CNTN5: variants seen among roughly 807,000 people sequenced by gnomAD.
The protein encoded by CNTN5 is contactin 5.
In CNTN5, 77 loss-of-function variants were observed where a neutral mutation model predicts 129.1. The ratio of observed to expected loss-of-function variants is 0.60; its 90% CI spans 0.50 to 0.72. The LOEUF is 0.72. Ranked by LOEUF, CNTN5 falls within the 30% of genes least tolerant of loss-of-function variation. The probability of loss-of-function intolerance (pLI) is 0.00; values close to 1 mark genes in which losing one functional copy is unlikely to be tolerated. For missense variants in CNTN5, 1,478 were observed against 1,328.8 expected, an observed-to-expected ratio of 1.11 and a Z score of -1.75; for synonymous variants, 509 against 465.6, an observed-to-expected ratio of 1.09 and a Z score of -1.20.
intron 13 of CNTN5, among the ~76,000 whole-genome samples, chr11:100,149,930 C>G (rs1336859124): frequency 6.7e-6 from 1 of 149,448 alleles, no homozygotes; most frequent in African/African-American, 2.5e-5. Flanking sequence ...AAAAAAAAAT[C>G]TCATGGGGTA....
At chr11:99,515,709 A>G (rs1947021428) in intron 2 of CNTN5, among the ~76,000 whole-genome samples, 1 of 152,026 alleles carries the variant, frequency 6.6e-6, no homozygotes, top group African/African-American at 2.4e-5. Flanking sequence ...TCAGCATTAA[A>G]CCATAAATGC....
At chr11:100,099,251 C>T (rs990786798) in intron 13 of CNTN5, among the ~76,000 whole-genome samples, 2 of 152,086 alleles carry the variant, frequency 1.3e-5, no homozygotes, top group Non-Finnish European at 2.9e-5. Context: ...AACCAACTGT[C>T]CTAGTTTGCC....
At chr11:99,273,148 G>A (rs1226812754) in intron 1 of CNTN5, among the ~76,000 whole-genome samples, 1 of 151,724 alleles carries the variant, frequency 6.6e-6, no homozygotes, top group East Asian at 1.9e-4. Flanking sequence ...CTAGAGTTAT[G>A]AGGCGAGCGG....
intron 2 of CNTN5, among the ~76,000 whole-genome samples, chr11:99,355,876 G>A (rs1938625355): frequency 6.6e-6 from 1 of 150,710 alleles, no homozygotes; most frequent in Non-Finnish European, 1.5e-5. Flanking sequence ...GCCCAGGCCG[G>A]AGTGCAGTGG....
intron 9 of CNTN5, among the ~76,000 whole-genome samples, chr11:100,039,213 C>T (rs1331804684): frequency 6.6e-6 from 1 of 152,094 alleles, no homozygotes; most frequent in East Asian, 1.9e-4. Context: ...TATTTTATTT[C>T]TCCTTTACTT....
rs538499017 is a variant in CNTN5, at chr11:100,051,418, A to C, written c.981-9794A>C. ...ACAAAATGATCAAGAGGAAATCACAAAAGAAAGTAGAAAATATTTTTAACT... is the reference window on the plus strand; with the variant it reads ...ACAAAATGATCAAGAGGAAATCACACAAGAAAGTAGAAAATATTTTTAACT... On this transcript the variant is annotated intron_variant, in intron 9 of 24. Transcript: ENST00000524871. Among the ~76,000 whole-genome samples the C allele has an allele frequency of 1.2e-4, 19 of 152,186 alleles. 1 individual carries two copies. In the South Asian group the frequency reaches 2.5e-3, roughly 20 times the overall value.
intron 16 of CNTN5, among the ~76,000 whole-genome samples, chr11:100,238,823 A>C (rs903423847): frequency 2.0e-5 from 3 of 152,196 alleles, no homozygotes; most frequent in African/African-American, 7.2e-5. Flanking sequence ...ATCTAAGCTC[A>C]TTATCTATTG....
At chr11:100,245,033 T>A (rs1217395468) in intron 16 of CNTN5, among the ~76,000 whole-genome samples, 1 of 152,190 alleles carries the variant, frequency 6.6e-6, no homozygotes, top group Admixed American at 6.5e-5. Context: ...TGTCCACTTG[T>A]AGATAATATA....
At chr11:100,024,509 G>A (rs754552904) in intron 9 of CNTN5, among the ~76,000 whole-genome samples, 1 of 152,182 alleles carries the variant, frequency 6.6e-6, no homozygotes, top group Non-Finnish European at 1.5e-5. Flanking sequence ...GGTTGGAACA[G>A]TTTGGAGGGC....
intron 1 of CNTN5, among the ~76,000 whole-genome samples, chr11:99,179,078 A>T (rs566566553): frequency 1.3e-5 from 2 of 152,358 alleles, no homozygotes; most frequent in East Asian, 3.9e-4. Flanking sequence ...TAAGCATTAT[A>T]TACCTTCATA....
chr11:99,111,592 T>C (rs1857798534), intron 1 of CNTN5, among the ~76,000 whole-genome samples: 1 of 152,008 alleles, frequency 6.6e-6, no homozygotes, highest in South Asian at 2.1e-4. Context: ...TCAGTCAAGA[T>C]CTTCTTATTA....
chr11:100,082,807 C>T (rs79358801), intron 13 of CNTN5, among the ~76,000 whole-genome samples: 4 of 152,006 alleles, frequency 2.6e-5, no homozygotes, highest in Non-Finnish European at 5.9e-5. Context: ...TAATTTTCAA[C>T]GCCACTTTAT....
intron 4 of CNTN5, among the ~76,000 whole-genome samples, chr11:99,835,807 C>A (rs960183883): frequency 3.3e-5 from 5 of 152,078 alleles, no homozygotes; most frequent in Non-Finnish European, 7.4e-5. Flanking sequence ...TGTCATAGGC[C>A]CTAGGCCTGG....
intron 2 of CNTN5, among the ~76,000 whole-genome samples, chr11:99,488,559 A>G (rs1774243508): frequency 6.6e-6 from 1 of 151,938 alleles, no homozygotes; most frequent in South Asian, 2.1e-4. Flanking sequence ...TAGGTCTTCA[A>G]CCAAGAATCT....
At chr11:100,057,959 A>G (rs1045394158) in intron 9 of CNTN5, among the ~76,000 whole-genome samples, 1 of 152,080 alleles carries the variant, frequency 6.6e-6, no homozygotes, top group Non-Finnish European at 1.5e-5. Context: ...ATACGTTACA[A>G]TTGAGAAACC....
intron 4 of CNTN5, among the ~76,000 whole-genome samples, chr11:99,828,943 G>T (rs2135596525): frequency 1.3e-5 from 2 of 152,134 alleles, no homozygotes; most frequent in East Asian, 3.9e-4. Context: ...TTTCCAGCGA[G>T]AATTAGAAAA....
chr11:100,316,705 G>A (rs1399922562), intron 21 of CNTN5, among the ~76,000 whole-genome samples: 1 of 152,160 alleles, frequency 6.6e-6, no homozygotes, highest in Non-Finnish European at 1.5e-5. Flanking sequence ...TATTCTGCCT[G>A]TGGAACAAAG....
At chr11:100,162,078 T>C (rs543121162) in intron 13 of CNTN5, among the ~76,000 whole-genome samples, 1 of 151,886 alleles carries the variant, frequency 6.6e-6, no homozygotes, top group Admixed American at 6.6e-5. Context: ...GGGAAGAGTC[T>C]GGGCTCAGGA....
At chr11:99,329,786 C>T (rs1015738472) in intron 2 of CNTN5, among the ~76,000 whole-genome samples, 2 of 152,086 alleles carry the variant, frequency 1.3e-5, no homozygotes, top group Non-Finnish European at 2.9e-5. Context: ...AGATACTTGG[C>T]TGTATCTCAA....
Sources: gnomAD v4.1 joint callset for allele counts (sites outside exome capture counted in the v4.1 genomes callset) on GRCh38, gnomAD v4.1.1 for gene constraint, MANE v1.5 for transcripts, NCBI Gene and HGNC (gene_info 2026-07-23, HGNC 2026-07-21) for gene names.